The following ARL15 variants were observed in gnomAD, a reference collection of about 807,000 sequenced individuals.
The protein encoded by ARL15 is ADP-ribosylation factor-like protein 15.
In ARL15, 19 loss-of-function variants were observed where a neutral mutation model predicts 25.2. The observed-to-expected ratio is 0.75, with a 90% CI of 0.53 to 1.10. The LOEUF is 1.10. Ranked by LOEUF, ARL15 falls within the 50% of genes least tolerant of loss-of-function variation. ARL15 has a pLI of 0.00. For synonymous variants in ARL15, 94 were observed against 86.8 expected, an observed-to-expected ratio of 1.08 and a Z score of -0.46; for missense variants, 220 against 246.0, an observed-to-expected ratio of 0.89 and a Z score of 0.71.
At position 54,143,313 on chromosome 5, in the gene ARL15, G is replaced by C. The variant is rs188089865; in HGVS notation, c.253+11267C>G. Among the ~76,000 whole-genome samples, 393 of 151,942 alleles carry C rather than the reference G, an allele frequency of 2.6e-3. 2 individuals carry two copies. The highest frequency in any genetic ancestry group is 8.9e-3 in the South Asian group (43 of 4,814). On this transcript the variant is annotated intron_variant, in intron 3 of 4. Transcript: ENST00000504924. ...ATATTTAAAGGTTCATGATTACTTA[G>C]TTATCTTAGTATATCAATATGAAAT...
At chr5:54,135,450 G>T (rs1482115222) in intron 3 of ARL15, among the ~76,000 whole-genome samples, 1 of 152,070 alleles carries the variant, frequency 6.6e-6, no homozygotes, top group Non-Finnish European at 1.5e-5. Flanking sequence ...TTGAAGAAAT[G>T]GAAGATAATT....
At chr5:54,263,462 AG>A (rs1308164864) in intron 1 of ARL15, among the ~76,000 whole-genome samples, 1 of 152,186 alleles carries the variant, frequency 6.6e-6, no homozygotes, top group Non-Finnish European at 1.5e-5. Context: ...ATAAGGGTGA[AG>A]GGGAAAGGGA....
intron 4 of ARL15, among the ~76,000 whole-genome samples, chr5:54,102,258 C>T (rs746665722): frequency 8.6e-5 from 13 of 152,032 alleles, no homozygotes; most frequent in Non-Finnish European, 1.3e-4. Flanking sequence ...GTGATCCACC[C>T]GCCTTGGCCT....
chr5:54,131,647 T>G (rs1022540144), intron 3 of ARL15, among the ~76,000 whole-genome samples: 11 of 152,242 alleles, frequency 7.2e-5, no homozygotes, highest in African/African-American at 2.4e-4. Context: ...GTTCTTTGAT[T>G]GCTTAATTCA....
intron 2 of ARL15, among the ~76,000 whole-genome samples, chr5:54,171,206 C>T (rs891421048): frequency 1.3e-5 from 2 of 152,118 alleles, no homozygotes; most frequent in Admixed American, 1.3e-4. Context: ...CACCAGAAGC[C>T]AGTAATACCC....
chr5:53,952,784 G>A (rs1199755949), intron 4 of ARL15, among the ~76,000 whole-genome samples: 1 of 152,146 alleles, frequency 6.6e-6, no homozygotes, highest in Admixed American at 6.5e-5. Context: ...ATAAGAAACA[G>A]CACTGGGATT....
intron 3 of ARL15, among the ~76,000 whole-genome samples, chr5:54,141,831 T>C (rs1311456172): frequency 3.3e-5 from 5 of 152,216 alleles, no homozygotes; most frequent in Non-Finnish European, 7.3e-5. Context: ...CACTATTTTA[T>C]TTTGCTTGGC....
In ARL15 at chr5:54,261,740, A is replaced by G. The variant is rs190561170; in HGVS notation, c.48+48692T>C. Among the ~76,000 whole-genome samples the G allele has an allele frequency of 1.8e-3, 271 of 152,024 alleles. 1 individual carries two copies. Among genetic ancestry groups the G allele is most frequent in the African/African-American group, 6.3e-3 (259 of 41,378 alleles). On this transcript the variant is annotated intron_variant, in intron 1 of 4. Transcript: ENST00000504924. ...ACTTACCTGTTATATGGGGTACTGAACCAGATCTTACACACACACACACAC... is the reference window on the plus strand; with the variant it reads ...ACTTACCTGTTATATGGGGTACTGAGCCAGATCTTACACACACACACACAC...
intron 2 of ARL15, among the ~76,000 whole-genome samples, chr5:54,167,556 G>C (rs1168037016): frequency 6.6e-6 from 1 of 152,076 alleles, no homozygotes; most frequent in Non-Finnish European, 1.5e-5. Flanking sequence ...TTTTAGATGG[G>C]AGAGTAAACT....
intron 4 of ARL15, among the ~76,000 whole-genome samples, chr5:53,919,415 C>T (rs1030655366): frequency 6.6e-6 from 1 of 152,122 alleles, no homozygotes; most frequent in African/African-American, 2.4e-5. Context: ...TGTGCTCCTG[C>T]CAAGGGAACT....
intron 2 of ARL15, among the ~76,000 whole-genome samples, chr5:54,166,704 C>A (rs1355272559): frequency 6.6e-6 from 1 of 152,052 alleles, no homozygotes; most frequent in Non-Finnish European, 1.5e-5. Context: ...ATTTTTTTCT[C>A]TCTCAGATTG....
chr5:54,118,424 T>A (rs918144975), intron 3 of ARL15, among the ~76,000 whole-genome samples: 6 of 152,174 alleles, frequency 3.9e-5, no homozygotes, highest in Admixed American at 3.3e-4. Flanking sequence ...AATTGTTGAT[T>A]TTCATTAAAA....
intron 3 of ARL15, among the ~76,000 whole-genome samples, chr5:54,137,383 C>G (rs1049792999): frequency 6.6e-6 from 1 of 152,150 alleles, no homozygotes; most frequent in African/African-American, 2.4e-5. Flanking sequence ...CATTAGGGCT[C>G]ACATTGTATT....
intron 4 of ARL15, among the ~76,000 whole-genome samples, chr5:53,899,563 C>T (rs1744998030): frequency 2.0e-5 from 3 of 151,790 alleles, no homozygotes; most frequent in Admixed American, 2.0e-4. Flanking sequence ...TAAGGATGAA[C>T]AAACATTTAA....
chr5:53,970,472 G>A (rs1176526838), intron 4 of ARL15, among the ~76,000 whole-genome samples: 2 of 151,640 alleles, frequency 1.3e-5, no homozygotes, highest in Non-Finnish European at 2.9e-5. Context: ...AGCAGAGAGT[G>A]AGAATGAGTG....
chr5:53,939,260 T>A (rs1289952535), intron 4 of ARL15, among the ~76,000 whole-genome samples: 1 of 152,240 alleles, frequency 6.6e-6, no homozygotes, highest in Non-Finnish European at 1.5e-5. Flanking sequence ...ATAATTTTTC[T>A]TATGAAAGTG....
intron 4 of ARL15, among the ~76,000 whole-genome samples, chr5:54,028,560 CT>C (rs1388323229): frequency 2.0e-5 from 3 of 150,886 alleles, no homozygotes; most frequent in African/African-American, 7.3e-5. Flanking sequence ...TTCTAAGTTT[CT>C]AGCAAAGTGT....
chr5:54,304,607 T>G (rs1347802537), intron 1 of ARL15, among the ~76,000 whole-genome samples: 1 of 152,236 alleles, frequency 6.6e-6, no homozygotes, highest in African/African-American at 2.4e-5. Context: ...TCCTACCTAA[T>G]GGTACGGATT....
chr5:53,958,248 TG>T (rs1277582723), intron 4 of ARL15, among the ~76,000 whole-genome samples: 1 of 151,440 alleles, frequency 6.6e-6, no homozygotes, highest in African/African-American at 2.4e-5. Context: ...CATATGTTAA[TG>T]GGCACAAAAT....
Sources: gnomAD v4.1 joint callset for allele counts (sites outside exome capture counted in the v4.1 genomes callset) on GRCh38, gnomAD v4.1.1 for gene constraint, MANE v1.5 for transcripts, NCBI Gene and HGNC (gene_info 2026-07-23, HGNC 2026-07-21) for gene names.